WWOX: variants seen among roughly 807,000 people sequenced by gnomAD.
WWOX encodes the protein WW domain-containing oxidoreductase.
In WWOX, 69 loss-of-function variants were observed where a neutral mutation model predicts 46.2. The observed-to-expected ratio is 1.49, with a 90% confidence interval of 1.23 to 1.82. The LOEUF is 1.82. Ranked by LOEUF, WWOX falls within the 40% of genes most tolerant of loss-of-function variation. WWOX has a pLI of 0.00. For missense variants in WWOX, 919 were observed against 542.6 expected (o/e 1.69, Z -6.89); for synonymous variants, 359 against 202.6 (o/e 1.77, Z -6.56).
In WWOX at chr16:78,698,671, A is replaced by G. The variant is rs527655489; in HGVS notation, c.1056+265919A>G. Among the ~76,000 whole-genome samples, 659 of 152,250 alleles carry G rather than the reference A, an allele frequency of 4.3e-3. 1 individual carries two copies. The highest frequency in any genetic ancestry group is 7.1e-3 in the Non-Finnish European group (480 of 68,022). ...AAGAATGTAATTTTGTTATATCCAT[A>G]TGATAAACCTTAAGTATTCTTAAGC... On this transcript the variant is annotated intron_variant, in intron 8 of 8. Coordinates refer to ENST00000566780, the MANE Select transcript of WWOX (RefSeq NM_016373.4).
chr16:78,304,090 C>G (rs767463667), intron 5 of WWOX, among the ~76,000 whole-genome samples: 1 of 152,182 alleles, frequency 6.6e-6, no homozygotes, highest in Non-Finnish European at 1.5e-5. Flanking sequence ...AACATAGCTT[C>G]GGTGCTCCTT....
intron 8 of WWOX, among the ~76,000 whole-genome samples, chr16:78,827,647 A>T (rs1347764717): frequency 6.6e-6 from 1 of 150,814 alleles, no homozygotes; most frequent in Admixed American, 6.7e-5. Flanking sequence ...AGCCTGGCCA[A>T]CATGGTGAAA....
intron 8 of WWOX, among the ~76,000 whole-genome samples, chr16:78,690,393 A>G (rs1014227837): frequency 1.3e-4 from 20 of 152,148 alleles, no homozygotes; most frequent in African/African-American, 4.1e-4. Flanking sequence ...TCTACAAAAA[A>G]TAAACAAACT....
chr16:79,155,190 A>G (rs535985365), intron 8 of WWOX, among the ~76,000 whole-genome samples: 3 of 152,168 alleles, frequency 2.0e-5, no homozygotes, highest in Admixed American at 6.6e-5. Context: ...ATTCTGGCCA[A>G]CATGGTGAAA....
At chr16:79,198,338 A>C (rs534895865) in intron 8 of WWOX, among the ~76,000 whole-genome samples, 1 of 152,184 alleles carries the variant, frequency 6.6e-6, no homozygotes, top group Admixed American at 6.5e-5. Flanking sequence ...TGTCTCAAAA[A>C]AAGAGAAAAG....
intron 8 of WWOX, among the ~76,000 whole-genome samples, chr16:78,446,657 C>CTTTTTT (rs5818138): frequency 1.7e-4 from 15 of 88,106 alleles, no homozygotes; most frequent in African/African-American, 3.2e-4. Flanking sequence ...CAAGTGTATA[C>CTTTTTT]TTTTTTTTTT....
intron 8 of WWOX, among the ~76,000 whole-genome samples, chr16:78,978,905 T>C (rs2046625394): frequency 6.6e-6 from 1 of 152,058 alleles, no homozygotes; most frequent in Non-Finnish European, 1.5e-5. Flanking sequence ...ATCCAAACCT[T>C]ATCACCAGCG....
chr16:78,256,852 C>T (rs983958357), intron 5 of WWOX, among the ~76,000 whole-genome samples: 34 of 152,076 alleles, frequency 2.2e-4, no homozygotes, highest in Middle Eastern at 3.4e-3. Context: ...TCTATCATTT[C>T]GTAGTCTATG....
At chr16:78,758,962 T>C (rs1433299809) in intron 8 of WWOX, among the ~76,000 whole-genome samples, 2 of 151,638 alleles carry the variant, frequency 1.3e-5, no homozygotes, top group African/African-American at 4.8e-5. Flanking sequence ...CAAAAAACCT[T>C]CACAGACAAA....
rs1225715954 is a variant in WWOX, at chr16:78,527,825, A to T, written c.1056+95073A>T. Among the ~76,000 whole-genome samples, 4 of 151,266 alleles carry T rather than the reference A, an allele frequency of 2.6e-5. No homozygotes were observed. In the East Asian group the frequency reaches 7.8e-4, roughly 30 times the overall value. ...TTCAGGAGGGTAGAGGATAGGGGGGAAAAGGTGCTACTGGCATCTAGTGGG... is the reference window on the plus strand; with the variant it reads ...TTCAGGAGGGTAGAGGATAGGGGGGTAAAGGTGCTACTGGCATCTAGTGGG... On this transcript the variant is annotated intron_variant, in intron 8 of 8. Coordinates refer to ENST00000566780, the MANE Select transcript of WWOX (RefSeq NM_016373.4).
At chr16:79,131,255 A>G (rs115340946) in intron 8 of WWOX, among the ~76,000 whole-genome samples, 285 of 152,232 alleles carry the variant, frequency 1.9e-3, no homozygotes, top group African/African-American at 6.5e-3. Context: ...GTGAGACACA[A>G]AATATTAGAA....
At chr16:78,293,978 GAAAAAAAAA>G (rs35079271) in intron 5 of WWOX, among the ~76,000 whole-genome samples, 1 of 30,310 alleles carries the variant, frequency 3.3e-5, no homozygotes, top group Non-Finnish European at 6.7e-5. Flanking sequence ...CTCTGTCTCA[GAAAAAAAAA>G]AAAAAAAAAA....
intron 8 of WWOX, among the ~76,000 whole-genome samples, chr16:78,534,130 C>G (rs1169805999): frequency 6.6e-6 from 1 of 152,086 alleles, no homozygotes; most frequent in African/African-American, 2.4e-5. Flanking sequence ...ATTAATAGCG[C>G]TATCTGGCTA....
intron 8 of WWOX, chr16:79,004,074 G>C (rs905775): frequency 0.6 from 91,193 of 152,106 alleles, 29,970 homozygotes; most frequent in Non-Finnish European, 0.73. Flanking sequence ...TGGTGTTACT[G>C]TCTGCATACT....
intron 8 of WWOX, among the ~76,000 whole-genome samples, chr16:78,739,137 C>G (rs1012438879): frequency 6.6e-6 from 1 of 152,172 alleles, no homozygotes; most frequent in African/African-American, 2.4e-5. Context: ...GTGGTAACCT[C>G]TGAGTGACTT....
intron 8 of WWOX, among the ~76,000 whole-genome samples, chr16:78,630,843 G>C (rs1295576831): frequency 6.6e-6 from 1 of 151,018 alleles, no homozygotes; most frequent in East Asian, 2.0e-4. Context: ...AACAAATACT[G>C]GGTGAATGAA....
chr16:78,494,005 G>C (rs2084849436), intron 8 of WWOX, among the ~76,000 whole-genome samples: 1 of 152,192 alleles, frequency 6.6e-6, no homozygotes, highest in African/African-American at 2.4e-5. Flanking sequence ...AATTTATAAA[G>C]AAGGGAGGTT....
chr16:78,848,825 T>G (rs1447633682), intron 8 of WWOX, among the ~76,000 whole-genome samples: 5 of 152,090 alleles, frequency 3.3e-5, no homozygotes, highest in Admixed American at 3.3e-4. Flanking sequence ...CCTCTGAGAT[T>G]TTTTTTAACC....
At chr16:78,697,554 A>T (rs1208000183) in intron 8 of WWOX, among the ~76,000 whole-genome samples, 1 of 152,198 alleles carries the variant, frequency 6.6e-6, no homozygotes, top group African/African-American at 2.4e-5. Flanking sequence ...CAAATTAGCA[A>T]GAAAAAAGCT....
Sources: allele counts gnomAD v4.1 joint callset (sites outside exome capture counted in the v4.1 genomes callset), GRCh38; gene constraint gnomAD v4.1.1; transcripts MANE v1.5; gene names NCBI Gene and HGNC (gene_info 2026-07-23, HGNC 2026-07-21).